NR5A2: variants seen among roughly 807,000 people sequenced by gnomAD.
The protein encoded by NR5A2 is nuclear receptor subfamily 5 group A member 2.
NR5A2 carries 26 observed loss-of-function variants against 62.7 expected under a neutral mutation model. The ratio of observed to expected loss-of-function variants is 0.41; its 90% confidence interval spans 0.30 to 0.58. The LOEUF (loss-of-function observed/expected upper bound fraction) is 0.58. NR5A2 is among the 20% of genes least tolerant of loss of function. NR5A2 has a pLI of 0.22. For missense variants in NR5A2, 541 were observed against 669.1 expected (o/e 0.81, Z 2.11); for synonymous variants, 246 against 241.7 (o/e 1.02, Z -0.16).
Position 200,083,653 on chromosome 1 carries a change from G to A in NR5A2, c.1111-27549G>A, listed in dbSNP as rs536775946. The stretch of plus-strand genomic sequence containing the variant: ...TATATATACAGTATTGTACAGTATT[G>A]TACAGCAATATTGTATAGCAATGTA... On this transcript the variant is annotated intron_variant, in intron 5 of 7. Coordinates refer to ENST00000367362, the MANE Select transcript of NR5A2 (RefSeq NM_205860.3). 2.6e-5 allele frequency among the ~76,000 whole-genome samples: 4 copies of A among 151,662 alleles called. 2 individuals carry two copies. Among genetic ancestry groups the A allele is most frequent in the African/African-American group, 9.7e-5 (4 of 41,266 alleles).
chr1:200,053,569 G>GCGCACACACACA (rs374944913), intron 5 of NR5A2, among the ~76,000 whole-genome samples: 2,768 of 142,074 alleles, frequency 0.019, 77 homozygotes, highest in African/African-American at 0.058. Flanking sequence ...GCATGCACAC[G>GCGCACACACACA]CACACACACA....
Position 200,045,463 on chromosome 1 carries a change from C to A in NR5A2, c.342C>A (p.Val114=). The A allele has an allele frequency of 1.2e-6, 2 of 1,609,244 alleles. No homozygotes were observed. Among genetic ancestry groups the A allele is most frequent in the Non-Finnish European group, 1.7e-6 (2 of 1,177,836 alleles). The change falls in exon 4 of 8, where the codon GTC becomes GTA. Residue 114 remains valine (V), a synonymous_variant. Coordinates refer to ENST00000367362, the MANE Select transcript of NR5A2 (RefSeq NM_205860.3). ...TATAGGGATTTTTTAAGCGAACAGT[C>A]CAAAATAATAAAAGGTACACATGTA... ...ESCKGFFKRT[V]QNNKRYTCIE... is the part of the protein sequence containing the mutation.
At chr1:200,107,021 T>TCGAGTGG (rs1180116984) in intron 5 of NR5A2, among the ~76,000 whole-genome samples, 1 of 152,152 alleles carries the variant, frequency 6.6e-6, no homozygotes, top group Admixed American at 6.5e-5. Flanking sequence ...AATCAATTGC[T>TCGAGTGG]CGAGTGGCGG....
rs115836837 is a variant in NR5A2 at position 200,171,865 on chromosome 1, G to C, written c.1379-2098G>C. ...ATGATCTAGCCTTTGTTTTATGTTT[G>C]TTGGTAGTTTTCTTTCTTTTTGTTT... On this transcript the variant is annotated intron_variant, in intron 7 of 7. Transcript: ENST00000367362. Among the ~76,000 whole-genome samples, 1,442 of 152,298 alleles carry C rather than the reference G, an allele frequency of 9.5e-3. 31 individuals are homozygous for C. Among genetic ancestry groups the C allele is most frequent in the African/African-American group, 0.031 (1,281 of 41,554 alleles).
intron 5 of NR5A2, among the ~76,000 whole-genome samples, chr1:200,096,368 G>T (rs538585589): frequency 2.0e-5 from 3 of 152,104 alleles, no homozygotes; most frequent in African/African-American, 7.2e-5. Context: ...GATTACAGGC[G>T]TGAGCCACTG....
At chr1:200,119,916 T>C (rs1391428762) in intron 6 of NR5A2, among the ~76,000 whole-genome samples, 1 of 151,808 alleles carries the variant, frequency 6.6e-6, no homozygotes, top group Non-Finnish European at 1.5e-5. Flanking sequence ...GCCAGCACTT[T>C]TTTTTTTTTA....
chr1:200,041,890 C>T (rs905892316), intron 2 of NR5A2, among the ~76,000 whole-genome samples: 2 of 151,716 alleles, frequency 1.3e-5, no homozygotes, highest in Non-Finnish European at 2.9e-5. Context: ...ATCTGTGCCC[C>T]TTTGGTGTAA....
chr1:200,040,324 T>C (rs1662005491), intron 2 of NR5A2, among the ~76,000 whole-genome samples: 1 of 152,162 alleles, frequency 6.6e-6, no homozygotes, highest in Non-Finnish European at 1.5e-5. Flanking sequence ...CAGCTCGGAT[T>C]TGGACAATTC....
In NR5A2 at chr1:200,104,534, T is replaced by C. The variant is rs190051122; in HGVS notation, c.1111-6668T>C. Among the ~76,000 whole-genome samples the C allele has an allele frequency of 6.6e-5, 10 of 152,322 alleles. No homozygotes were observed. In the East Asian group the frequency reaches 1.5e-3, roughly 23 times the overall value. ...AAACTTCTATAAATGTCATCATTGT[T>C]ACAAAAAGAGATGGAAATTCATCTT... is the stretch of plus-strand genomic sequence containing the variant. On this transcript the variant is annotated intron_variant, in intron 5 of 7. Coordinates refer to ENST00000367362, the MANE Select transcript of NR5A2 (RefSeq NM_205860.3).
At position 200,149,293 on chromosome 1, in the gene NR5A2, T is replaced by C. The variant is rs1667879990; in HGVS notation, c.1379-24670T>C. The stretch of plus-strand genomic sequence containing the variant: ...GCACACATATTCAAAAGAGTGACCA[T>C]GGCTGATGAGTGTGGGTCGCAATAA... On this transcript the variant is annotated intron_variant, in intron 7 of 7. Transcript: ENST00000367362. Among the ~76,000 whole-genome samples the C allele has an allele frequency of 2.6e-5, 4 of 152,330 alleles. 1 individual carries two copies.
chr1:200,095,598 G>T (rs1186091385), intron 5 of NR5A2, among the ~76,000 whole-genome samples: 1 of 151,922 alleles, frequency 6.6e-6, no homozygotes, highest in Non-Finnish European at 1.5e-5. Context: ...TCTCGCCCAG[G>T]CTGGAGTGCA....
intron 6 of NR5A2, among the ~76,000 whole-genome samples, chr1:200,116,524 A>G (rs1326572290): frequency 1.3e-5 from 2 of 152,218 alleles, no homozygotes; most frequent in African/African-American, 4.8e-5. Context: ...TTCATAGTTC[A>G]TTCAGAACTA....
intron 6 of NR5A2, among the ~76,000 whole-genome samples, chr1:200,118,157 C>A (rs950354235): frequency 1.0e-4 from 15 of 150,244 alleles, no homozygotes; most frequent in Non-Finnish European, 2.2e-4. Context: ...GCTGGGATTA[C>A]AGGCATGTAC....
chr1:200,150,178 A>G (rs1653001979), intron 7 of NR5A2, among the ~76,000 whole-genome samples: 1 of 152,206 alleles, frequency 6.6e-6, no homozygotes, highest in Admixed American at 6.5e-5. Flanking sequence ...AAATCCCCAG[A>G]ATGACACATA....
At chr1:200,103,122 C>CTTTTTTTTT (rs10655211) in intron 5 of NR5A2, among the ~76,000 whole-genome samples, 37 of 106,634 alleles carry the variant, frequency 3.5e-4, no homozygotes, top group Non-Finnish European at 4.2e-4. Flanking sequence ...ATGTAAAACT[C>CTTTTTTTTT]TTTTTTTTTT....
chr1:200,120,665 C>T, intron 6 of NR5A2, 143 bp from the exon 7 acceptor site: 2 of 835,178 alleles, frequency 2.4e-6, no homozygotes, highest in Non-Finnish European at 3.4e-6. Context: ...CAAGACCAGT[C>T]TGGTCAAATA....
chr1:200,106,834 A>T (rs1021378475), intron 5 of NR5A2, among the ~76,000 whole-genome samples: 2 of 152,228 alleles, frequency 1.3e-5, no homozygotes, highest in African/African-American at 2.4e-5. Context: ...GCCAGGCATC[A>T]CATTTACCCT....
chr1:200,099,704 C>T (rs920033103), intron 5 of NR5A2, among the ~76,000 whole-genome samples: 5 of 152,172 alleles, frequency 3.3e-5, no homozygotes, highest in African/African-American at 9.7e-5. Flanking sequence ...AGTGATTCTC[C>T]TGCCTCAGCC....
At chr1:200,166,227 CAA>C (rs1653894238) in intron 7 of NR5A2, among the ~76,000 whole-genome samples, 1 of 151,910 alleles carries the variant, frequency 6.6e-6, no homozygotes, top group Non-Finnish European at 1.5e-5. Flanking sequence ...ACCATGTATA[CAA>C]AAAAAGTCAA....
Sources: gnomAD v4.1 joint callset for allele counts (sites outside exome capture counted in the v4.1 genomes callset) on GRCh38, gnomAD v4.1.1 for gene constraint, MANE v1.5 for transcripts, NCBI Gene and HGNC (gene_info 2026-07-23, HGNC 2026-07-21) for gene names.